Variants in SLC35D4 observed in about 807,000 individuals in gnomAD.
SLC35D4 encodes UDP-N-acetylglucosamine transporter SLC35D4.
chr18:23,253,899 G>A, the SLC35D4 span: 1 of 1,614,208 alleles, frequency 6.2e-7, no homozygotes, highest in Non-Finnish European at 8.5e-7. Context: ...AAAATTGGAA[G>A]TGACCTCAAA....
the SLC35D4 span, among the ~76,000 whole-genome samples, chr18:23,367,824 A>C: frequency 6.6e-6 from 1 of 151,644 alleles, no homozygotes; most frequent in Non-Finnish European, 1.5e-5. Context: ...TGATTCAGTC[A>C]TAACTCACTG....
the SLC35D4 span, chr18:23,376,807 C>A: frequency 2.2e-6 from 1 of 456,580 alleles, no homozygotes; most frequent in Non-Finnish European, 4.4e-6. Context: ...CTTCCCACCC[C>A]ACCTGGCCTC....
At chr18:23,306,012 G>T in the SLC35D4 span, among the ~76,000 whole-genome samples, 1 of 152,160 alleles carries the variant, frequency 6.6e-6, no homozygotes, top group East Asian at 1.9e-4. Flanking sequence ...GGCCACTGGT[G>T]CTGCCCCTCA....
the SLC35D4 span, among the ~76,000 whole-genome samples, chr18:23,273,872 A>G: frequency 2.0e-5 from 3 of 152,270 alleles, no homozygotes; most frequent in African/African-American, 7.2e-5. Context: ...ATACATTACT[A>G]TAATTTTTTT....
the SLC35D4 span, among the ~76,000 whole-genome samples, chr18:23,406,553 T>C: frequency 1.1e-4 from 16 of 152,142 alleles, no homozygotes; most frequent in African/African-American, 3.6e-4. Flanking sequence ...AATCAATCAA[T>C]CACAGTCAAC....
At chr18:23,437,787 C>G in the SLC35D4 span, 53 of 1,611,162 alleles carry the variant, frequency 3.3e-5, no homozygotes, top group Admixed American at 1.8e-4. Context: ...TCACCTTGTT[C>G]GTGAGGTAAG....
chr18:23,262,356 G>A, the SLC35D4 span, among the ~76,000 whole-genome samples: 3 of 152,200 alleles, frequency 2.0e-5, no homozygotes, highest in Non-Finnish European at 2.9e-5. Flanking sequence ...CTGGATCCCA[G>A]GTTCCCAGGG....
the SLC35D4 span, among the ~76,000 whole-genome samples, chr18:23,386,855 A>G: frequency 7.2e-5 from 11 of 152,230 alleles, no homozygotes; most frequent in South Asian, 2.3e-3. Context: ...ATGGATAGGT[A>G]GCCTTGACAA....
chr18:23,318,680 A>G, the SLC35D4 span, among the ~76,000 whole-genome samples: 1 of 152,156 alleles, frequency 6.6e-6, no homozygotes, highest in Non-Finnish European at 1.5e-5. Context: ...TGAGCTTCCA[A>G]TGTGATGTTA....
the SLC35D4 span, among the ~76,000 whole-genome samples, chr18:23,241,068 A>G: frequency 1.3e-5 from 2 of 152,176 alleles, no homozygotes; most frequent in African/African-American, 4.8e-5. Flanking sequence ...TGCAAAAGCA[A>G]TTACTATTCT....
the SLC35D4 span, among the ~76,000 whole-genome samples, chr18:23,242,549 TC>T: frequency 1.3e-5 from 2 of 152,098 alleles, no homozygotes; most frequent in Non-Finnish European, 2.9e-5. Context: ...TGTGTTTTTT[TC>T]CCCCTCTTTA....
At chr18:23,370,390 C>A in the SLC35D4 span, 1 of 803,494 alleles carries the variant, frequency 1.2e-6, no homozygotes, top group Non-Finnish European at 2.0e-6. Flanking sequence ...CTTTTCCCTA[C>A]GAGTGTCACA....
chr18:23,403,572 C>T, the SLC35D4 span, among the ~76,000 whole-genome samples: 3 of 152,170 alleles, frequency 2.0e-5, no homozygotes, highest in Admixed American at 6.5e-5. Context: ...GGGTAGGGAG[C>T]GAATAATATG....
chr18:23,416,615 G>A, the SLC35D4 span, among the ~76,000 whole-genome samples: 1 of 152,196 alleles, frequency 6.6e-6, no homozygotes, highest in Non-Finnish European at 1.5e-5. Flanking sequence ...CATGGGAACT[G>A]GAAATCCTGA....
chr18:23,270,747 G>T, the SLC35D4 span, among the ~76,000 whole-genome samples: 7 of 152,318 alleles, frequency 4.6e-5, no homozygotes, highest in Admixed American at 1.3e-4. Context: ...CTACACAGCC[G>T]GCTCTGTGTA....
chr18:23,275,461 AC>A, the SLC35D4 span, among the ~76,000 whole-genome samples: 1 of 151,960 alleles, frequency 6.6e-6, no homozygotes, highest in African/African-American at 2.4e-5. Flanking sequence ...GTGATCATTC[AC>A]CCCACCAGCT....
the SLC35D4 span, among the ~76,000 whole-genome samples, chr18:23,404,992 CAAAAAAAAA>C: frequency 1.1e-4 from 5 of 44,480 alleles, no homozygotes; most frequent in Non-Finnish European, 2.2e-4. Flanking sequence ...GACTCCGTCT[CAAAAAAAAA>C]AAAAAAAAAA....
the SLC35D4 span, among the ~76,000 whole-genome samples, chr18:23,354,003 T>C: frequency 2.0e-5 from 3 of 152,208 alleles, no homozygotes; most frequent in Non-Finnish European, 4.4e-5. Context: ...CAGGTCTCCA[T>C]GGCTCTTCAG....
the SLC35D4 span, chr18:23,399,567 A>T: frequency 1.2e-6 from 2 of 1,613,864 alleles, no homozygotes; most frequent in Non-Finnish European, 1.7e-6. Flanking sequence ...AATACTTACC[A>T]GTCTGGACAA....
Sources: gnomAD v4.1 joint callset for allele counts (sites outside exome capture counted in the v4.1 genomes callset) on GRCh38, gnomAD v4.1.1 for gene constraint, MANE v1.5 for transcripts, NCBI Gene and HGNC (gene_info 2026-07-23, HGNC 2026-07-21) for gene names.